RGPD2: variants seen among roughly 807,000 people sequenced by gnomAD.
RGPD2 encodes the protein RANBP2 like and GRIP domain containing 2, also known as RANBP2-like and GRIP domain-containing protein 2.
In RGPD2, 2 loss-of-function variants were observed where a neutral mutation model predicts 36.0. The ratio of observed to expected loss-of-function variants is 0.06; its 90% confidence interval spans 0.02 to 0.17. The LOEUF (loss-of-function observed/expected upper bound fraction) is 0.17. Among genes scored for constraint, RGPD2 ranks in the 10% least tolerant of loss-of-function variants. RGPD2 has a pLI of 1.00. For synonymous variants in RGPD2, 19 were observed against 163.8 expected (o/e 0.12, Z 6.75); for missense variants, 40 against 464.3 (o/e 0.09, Z 8.40).
chr2:87,923,273 T>C, the RGPD2 span, among the ~76,000 whole-genome samples: 3 of 152,166 alleles, frequency 2.0e-5, no homozygotes, highest in African/African-American at 7.2e-5. Flanking sequence ...ATAATCCTTC[T>C]GGAGCAGTGC....
rs1487341017 is a variant in RGPD2 at position 87,756,284 on chromosome 2, A to T, written c.*1108T>A. ...TTTTACTGCAAACCATTTACAGTAG[A>T]CCACAATTTTATAGTCCTGTTTGGC... On this transcript the variant is annotated 3_prime_UTR_variant, in exon 23 of 23. Coordinates refer to ENST00000398146, the MANE Select transcript of RGPD2 (RefSeq NM_001078170.3). 2 of 64,412 alleles carry T rather than the reference A, an allele frequency of 3.1e-5. No homozygotes were observed. Among genetic ancestry groups the T allele is most frequent in the African/African-American group, 5.5e-5 (1 of 18,306 alleles). 4.0% of individuals were successfully genotyped at this position (64,412 alleles called of 1,614,324 possible). A position where few individuals can be genotyped will look rare whatever the true frequency, so the allele number is the denominator to read the frequency against.
At chr2:87,863,614 G>T in the RGPD2 span, among the ~76,000 whole-genome samples, 11 of 152,096 alleles carry the variant, frequency 7.2e-5, no homozygotes, top group South Asian at 4.2e-4. Context: ...GATGTGACCG[G>T]TTTCCAAAAG....
intron 6 of RGPD2, among the ~76,000 whole-genome samples, chr2:87,809,310 A>C (rs1403512386): frequency 6.6e-6 from 1 of 151,408 alleles, no homozygotes; most frequent in Non-Finnish European, 1.5e-5. Flanking sequence ...GTCTCAAAAA[A>C]AAAAAAGATC....
At chr2:87,966,128 T>C in the RGPD2 span, among the ~76,000 whole-genome samples, 1 of 151,586 alleles carries the variant, frequency 6.6e-6, no homozygotes, top group African/African-American at 2.4e-5. Flanking sequence ...AGGAAATCTT[T>C]GGTCATCAAT....
At chr2:87,952,309 A>C in the RGPD2 span, among the ~76,000 whole-genome samples, 2 of 152,192 alleles carry the variant, frequency 1.3e-5, no homozygotes, top group Non-Finnish European at 2.9e-5. Flanking sequence ...ATTCTGCTTA[A>C]GGGGTGTCCT....
chr2:87,952,325 T>G, the RGPD2 span, among the ~76,000 whole-genome samples: 1 of 152,176 alleles, frequency 6.6e-6, no homozygotes, highest in Non-Finnish European at 1.5e-5. Flanking sequence ...GTCCTCAAGT[T>G]TCTGCTACAT....
chr2:87,805,711 T>A (rs559445744), intron 7 of RGPD2, among the ~76,000 whole-genome samples: 19 of 151,892 alleles, frequency 1.3e-4, no homozygotes, highest in African/African-American at 4.3e-4. Context: ...TACAAAAAAA[T>A]TAGCCAGGCA....
the RGPD2 span, among the ~76,000 whole-genome samples, chr2:87,839,360 A>C: frequency 6.6e-6 from 1 of 152,112 alleles, no homozygotes; most frequent in African/African-American, 2.4e-5. Flanking sequence ...CTATTATCAA[A>C]AAGTCAAAAA....
the RGPD2 span, among the ~76,000 whole-genome samples, chr2:87,858,466 C>T: frequency 5.3e-5 from 8 of 150,952 alleles, no homozygotes; most frequent in Non-Finnish European, 1.0e-4. Context: ...GAGTCTCACT[C>T]GGTTGCCCAG....
chr2:87,978,902 G>A, the RGPD2 span, among the ~76,000 whole-genome samples: 3 of 143,084 alleles, frequency 2.1e-5, no homozygotes, highest in East Asian at 6.0e-4. Flanking sequence ...TAGGCAAAAA[G>A]TGACACCCCG....
chr2:87,944,145 C>CA, the RGPD2 span, among the ~76,000 whole-genome samples: 1 of 138,798 alleles, frequency 7.2e-6, no homozygotes, highest in African/African-American at 2.7e-5. Flanking sequence ...AAAATTCAAG[C>CA]AAAAATGGGA....
the RGPD2 span, among the ~76,000 whole-genome samples, chr2:87,971,468 T>TAATATGAATATTATATATAAATATAC: frequency 7.8e-6 from 1 of 127,724 alleles, no homozygotes; most frequent in Non-Finnish European, 1.6e-5. Context: ...TATAAATATA[T>TAATATGAATATTATATATAAATATAC]ATATAATGAA....
the RGPD2 span, among the ~76,000 whole-genome samples, chr2:87,953,705 CA>C: frequency 9.8e-6 from 1 of 101,922 alleles, no homozygotes; most frequent in Non-Finnish European, 2.0e-5. Flanking sequence ...ACACGCCCCA[CA>C]AATAACACAT....
At chr2:87,983,657 A>G in the RGPD2 span, among the ~76,000 whole-genome samples, 2 of 141,600 alleles carry the variant, frequency 1.4e-5, no homozygotes, top group African/African-American at 5.2e-5. Context: ...AGAAGAAAGA[A>G]AAACAGGTAA....
At chr2:87,842,460 A>G in the RGPD2 span, among the ~76,000 whole-genome samples, 1 of 150,156 alleles carries the variant, frequency 6.7e-6, no homozygotes, top group African/African-American at 2.5e-5. Flanking sequence ...CCCATTCACA[A>G]TTGCTTCAAA....
At chr2:87,915,314 A>G in the RGPD2 span, among the ~76,000 whole-genome samples, 1 of 123,846 alleles carries the variant, frequency 8.1e-6, no homozygotes, top group African/African-American at 3.5e-5. Flanking sequence ...TTGTATATAT[A>G]TGTATATTAT....
Position 87,825,772 on chromosome 2 carries a change from C to G in RGPD2, c.-43G>C, listed in dbSNP as rs1686784199. On this transcript the variant is annotated 5_prime_UTR_variant, in exon 1 of 23. Transcript: ENST00000398146. ...TCCCGAGACGCGTGAAACCAGCGCT[C>G]AGCCCCGCAGCAGTCGCCAATTCCA... 1 of 1,540,328 alleles carries G rather than the reference C, an allele frequency of 6.5e-7. No homozygotes were observed.
the RGPD2 span, among the ~76,000 whole-genome samples, chr2:87,834,445 G>A: frequency 6.6e-6 from 1 of 152,044 alleles, no homozygotes; most frequent in African/African-American, 2.4e-5. Context: ...CATAGATGTA[G>A]AATATAGTAA....
At chr2:87,881,144 C>A in the RGPD2 span, among the ~76,000 whole-genome samples, 2 of 152,144 alleles carry the variant, frequency 1.3e-5, no homozygotes, top group East Asian at 3.9e-4. Flanking sequence ...GCTCACAAGG[C>A]CCTAGGCATT....
Sources: allele counts gnomAD v4.1 joint callset (sites outside exome capture counted in the v4.1 genomes callset), GRCh38; gene constraint gnomAD v4.1.1; transcripts MANE v1.5; gene names NCBI Gene and HGNC (gene_info 2026-07-23, HGNC 2026-07-21).